The following SLC20A2 variants were observed in gnomAD, a reference collection of about 807,000 sequenced individuals.
The protein encoded by SLC20A2 is solute carrier family 20 member 2, also known as sodium-dependent phosphate transporter 2.
In SLC20A2, 30 loss-of-function variants were observed where a neutral mutation model predicts 61.0. The observed-to-expected ratio is 0.49, with a 90% CI of 0.37 to 0.67. The LOEUF (loss-of-function observed/expected upper bound fraction) is 0.67, where lower values mean the gene tolerates loss of function less well. Among genes scored for constraint, SLC20A2 ranks in the 30% least tolerant of loss-of-function variants. The pLI is 0.00. For synonymous variants in SLC20A2, 351 were observed against 353.3 expected (o/e 0.99, Z 0.07); for missense variants, 626 against 866.4 (o/e 0.72, Z 3.48).
chr8:42,541,195 C>G (rs982056345), intron 1 of SLC20A2: 1 of 152,108 alleles, frequency 6.6e-6, no homozygotes, highest in Non-Finnish European at 1.5e-5. Context: ...GCCCGGCACT[C>G]GCAGGTAATG....
chr8:42,451,490 T>A (rs1203107820), intron 5 of SLC20A2, among the ~76,000 whole-genome samples: 5 of 108,834 alleles, frequency 4.6e-5, no homozygotes, highest in Admixed American at 1.1e-4. Context: ...GAGGAAGAGA[T>A]GGAGTAGGAG....
intron 5 of SLC20A2, among the ~76,000 whole-genome samples, chr8:42,455,773 A>G (rs1221823533): frequency 6.6e-6 from 1 of 151,996 alleles, no homozygotes. Context: ...CACAACTAAG[A>G]CCCCAGGGCT....
At chr8:42,438,533 C>A (rs1348364582) in intron 7 of SLC20A2, among the ~76,000 whole-genome samples, 1 of 152,142 alleles carries the variant, frequency 6.6e-6, no homozygotes, top group African/African-American at 2.4e-5. Flanking sequence ...TGAGATGAGT[C>A]AGGCAAAATG....
intron 1 of SLC20A2, among the ~76,000 whole-genome samples, chr8:42,516,990 T>C (rs1263485574): frequency 2.0e-5 from 3 of 152,166 alleles, no homozygotes; most frequent in African/African-American, 7.2e-5. Context: ...CTTGAGACCG[T>C]CCACCACCCC....
At chr8:42,451,866 TGGA>T (rs568846208) in intron 5 of SLC20A2, among the ~76,000 whole-genome samples, 76 of 92,338 alleles carry the variant, frequency 8.2e-4, no homozygotes, top group African/African-American at 3.2e-3. Context: ...GAGGAAAAGA[TGGA>T]GGAGGAAGAG....
In SLC20A2 at chr8:42,464,092, C is replaced by CTTTTTTT. The variant is rs1170751054; in HGVS notation, c.431-1009_431-1003dup. Reference sequence around the variant, plus strand: ...CTTCCCAAAGGGCAGGCTGGATGATCTTTTTTTTTTTTTTTTTTTTTTTTT... The same window carrying CTTTTTTT: ...CTTCCCAAAGGGCAGGCTGGATGATCTTTTTTTTTTTTTTTTTTTTTTTTTTTTTTTT... On this transcript the variant is annotated intron_variant, in intron 3 of 10. Coordinates refer to ENST00000520262, the MANE Select transcript of SLC20A2 (RefSeq NM_001257180.2). Among the ~76,000 whole-genome samples, 66 of 20,550 alleles carry CTTTTTTT rather than the reference C, an allele frequency of 3.2e-3. 19 individuals carry two copies. The highest frequency in any genetic ancestry group is 0.011 in the East Asian group (5 of 458). 13.5% of individuals were successfully genotyped at this position (20,550 alleles called of 152,430 possible).
At chr8:42,489,220 T>C (rs957111998) in intron 1 of SLC20A2, among the ~76,000 whole-genome samples, 1 of 152,226 alleles carries the variant, frequency 6.6e-6, no homozygotes, top group Non-Finnish European at 1.5e-5. Flanking sequence ...ATTACAGGCA[T>C]GAGCCACCGC....
chr8:42,487,024 G>A (rs539226868), intron 1 of SLC20A2, among the ~76,000 whole-genome samples: 3 of 151,018 alleles, frequency 2.0e-5, no homozygotes, highest in East Asian at 3.9e-4. Context: ...GTGCCACAAC[G>A]CCCGGCTAAT....
chr8:42,502,820 ACT>A (rs1193399686), upstream of SLC20A2, among the ~76,000 whole-genome samples: 1 of 152,194 alleles, frequency 6.6e-6, no homozygotes, highest in African/African-American at 2.4e-5. Flanking sequence ...TCCACTGCAA[ACT>A]CACTCCAGAA....
chr8:42,428,933 C>T (rs1803634756), intron 9 of SLC20A2, 91 bp from the exon 10 acceptor site: 7 of 1,016,794 alleles, frequency 6.9e-6, no homozygotes, highest in Non-Finnish European at 9.7e-6. Flanking sequence ...AGAACATTCT[C>T]TGGGGTGACT....
chr8:42,434,351 TG>T (rs371053285), intron 8 of SLC20A2, among the ~76,000 whole-genome samples: 32 of 151,922 alleles, frequency 2.1e-4, no homozygotes, highest in African/African-American at 7.2e-4. Flanking sequence ...CCTCCCGAAG[TG>T]TTGAGATTAT....
intron 1 of SLC20A2, among the ~76,000 whole-genome samples, chr8:42,515,497 G>A (rs777958132): frequency 1.2e-4 from 18 of 152,078 alleles, no homozygotes; most frequent in Admixed American, 3.9e-4. Flanking sequence ...TCCAGGTGCC[G>A]GCGCTGTGCT....
At chr8:42,491,237 G>T (rs905301963) in intron 1 of SLC20A2, among the ~76,000 whole-genome samples, 1 of 151,974 alleles carries the variant, frequency 6.6e-6, no homozygotes, top group Non-Finnish European at 1.5e-5. Flanking sequence ...AAAATTGGCC[G>T]GGTATGGTGA....
intron 1 of SLC20A2, among the ~76,000 whole-genome samples, chr8:42,508,397 C>T (rs1373192796): frequency 2.0e-5 from 3 of 151,900 alleles, no homozygotes; most frequent in African/African-American, 7.3e-5. Context: ...GAGTCTCGCT[C>T]TGTTTGTTTT....
intron 1 of SLC20A2, among the ~76,000 whole-genome samples, chr8:42,510,157 T>C (rs945734060): frequency 2.6e-5 from 4 of 152,336 alleles, no homozygotes; most frequent in Middle Eastern, 3.4e-3. Context: ...GTTTCCTCTG[T>C]TTTTAAAAGG....
In SLC20A2 at chr8:42,465,627, G is replaced by T. The variant is rs533314012; in HGVS notation, c.430+150C>A. The stretch of plus-strand genomic sequence containing the variant: ...AATGGCTTGAACCCGGGAGGTGGAG[G>T]TTGCAGTGAGCCGAGATTGCACCAC... On this transcript the variant is annotated intron_variant, in intron 3 of 10. Transcript: ENST00000520262. 31 of 630,306 alleles carry T rather than the reference G, an allele frequency of 4.9e-5. No homozygotes were observed. The South Asian group carries it at 7.1e-4, about 14-fold the overall frequency. 39.0% of individuals were successfully genotyped at this position (630,306 alleles called of 1,614,324 possible).
intron 2 of SLC20A2, among the ~76,000 whole-genome samples, chr8:42,466,352 C>T (rs560471649): frequency 6.6e-6 from 1 of 152,282 alleles, no homozygotes; most frequent in South Asian, 2.1e-4. Flanking sequence ...TCCCAAAGTG[C>T]TGGGATTACA....
intron 1 of SLC20A2, among the ~76,000 whole-genome samples, chr8:42,476,084 C>CTTTTTTT (rs11350697): frequency 4.8e-5 from 2 of 42,098 alleles, no homozygotes; most frequent in Non-Finnish European, 9.0e-5. Context: ...TTTACTGTGT[C>CTTTTTTT]TTTTTTTTTT....
At chr8:42,539,594 C>T (rs879611907) in intron 1 of SLC20A2, among the ~76,000 whole-genome samples, 5 of 152,232 alleles carry the variant, frequency 3.3e-5, no homozygotes, top group Admixed American at 3.3e-4. Context: ...GACTCATCAA[C>T]AAAGTAATAG....
Sources: allele counts gnomAD v4.1 joint callset (sites outside exome capture counted in the v4.1 genomes callset), GRCh38; gene constraint gnomAD v4.1.1; transcripts MANE v1.5; gene names NCBI Gene and HGNC (gene_info 2026-07-23, HGNC 2026-07-21).